Variants in GABRB1 observed in about 807,000 individuals in gnomAD.
The protein encoded by GABRB1 is gamma-aminobutyric acid receptor subunit beta-1.
In GABRB1, 17 loss-of-function variants were observed where a neutral mutation model predicts 51.6. That is an observed-to-expected ratio of 0.33 (90% CI 0.23 to 0.49). GABRB1 has a LOEUF of 0.49. Ranked by LOEUF, GABRB1 falls within the 20% of genes least tolerant of loss-of-function variation. The pLI is 0.99. For synonymous variants in GABRB1, 247 were observed against 218.9 expected, an observed-to-expected ratio of 1.13 and a Z score of -1.14; for missense variants, 410 against 600.6, an observed-to-expected ratio of 0.68 and a Z score of 3.32.
chr4:47,356,918 A>G (rs1239871801), intron 5 of GABRB1, among the ~76,000 whole-genome samples: 1 of 152,172 alleles, frequency 6.6e-6, no homozygotes, highest in Non-Finnish European at 1.5e-5. Context: ...TACAAGACAT[A>G]TGTTTTGTCC....
At chr4:47,287,924 G>A (rs1392644921) in intron 4 of GABRB1, among the ~76,000 whole-genome samples, 2 of 152,168 alleles carry the variant, frequency 1.3e-5, no homozygotes, top group African/African-American at 4.8e-5. Context: ...AAATGAGCTT[G>A]AGTATGACTC....
chr4:47,125,018 A>ATT (rs1418933008), intron 3 of GABRB1, among the ~76,000 whole-genome samples: 5 of 152,200 alleles, frequency 3.3e-5, no homozygotes, highest in African/African-American at 1.2e-4. Flanking sequence ...CCTGAAGAAG[A>ATT]TTATATATAG....
intron 5 of GABRB1, among the ~76,000 whole-genome samples, chr4:47,375,678 C>A (rs1347199787): frequency 1.3e-5 from 2 of 152,212 alleles, no homozygotes; most frequent in Non-Finnish European, 2.9e-5. Flanking sequence ...GATTCAGATC[C>A]TGGCTTTGGT....
In GABRB1 at chr4:47,022,411, T is replaced by G. The variant is rs142866226; in HGVS notation, c.-19-9503T>G. ...AACATTGCTTCATTGTTTCTGGTAC[T>G]AATTTTACTGGCCAAAAGAATGACA... On this transcript the variant is annotated intron_variant, in intron 1 of 3. Transcript: ENST00000513567. Among the ~76,000 whole-genome samples the G allele has an allele frequency of 2.4e-4, 37 of 152,268 alleles. 1 individual carries two copies. The highest frequency in any genetic ancestry group is 8.9e-4 in the African/African-American group (37 of 41,582).
intron 4 of GABRB1, among the ~76,000 whole-genome samples, chr4:47,280,838 T>A (rs1048350830): frequency 1.0e-4 from 15 of 149,174 alleles, no homozygotes; most frequent in East Asian, 3.9e-4. Context: ...TTTTTTTTTT[T>A]AGAAATGAGT....
chr4:47,234,907 C>A (rs1721271872), intron 4 of GABRB1, among the ~76,000 whole-genome samples: 1 of 152,104 alleles, frequency 6.6e-6, no homozygotes. Context: ...TATTTGCTGC[C>A]AAAAATAAGA....
chr4:47,404,489 GCACACACACACACACACACA>G (rs56335154), intron 7 of GABRB1, among the ~76,000 whole-genome samples: 2 of 145,550 alleles, frequency 1.4e-5, no homozygotes, highest in Admixed American at 1.4e-4. Flanking sequence ...ACACACGCAT[GCACACACACACACACACACA>G]CACACACACA....
intron 1 of GABRB1, 44 bp downstream of exon 1, chr4:47,031,775 T>C (rs78252491): frequency 6.4e-7 from 1 of 1,562,798 alleles, no homozygotes; most frequent in Admixed American, 1.7e-5. Context: ...TCTCTCTCTC[T>C]TTTTTTCTTG....
chr4:47,384,264 T>C (rs1727700122), intron 5 of GABRB1, among the ~76,000 whole-genome samples: 3 of 152,096 alleles, frequency 2.0e-5, no homozygotes, highest in Admixed American at 2.0e-4. Context: ...TATTTTTCTC[T>C]TAACAACATA....
intron 1 of GABRB1, among the ~76,000 whole-genome samples, chr4:47,015,188 G>A (rs777542763): frequency 1.3e-5 from 2 of 152,220 alleles, no homozygotes; most frequent in Non-Finnish European, 1.5e-5. Context: ...TTACAGGCGT[G>A]AGCCTCTGTA....
At chr4:47,243,671 T>C (rs1721624214) in intron 4 of GABRB1, among the ~76,000 whole-genome samples, 2 of 152,232 alleles carry the variant, frequency 1.3e-5, no homozygotes, top group South Asian at 2.1e-4. Flanking sequence ...AGTTCACTCA[T>C]GATTTGGCTC....
At chr4:47,351,453 C>T (rs970678286) in intron 5 of GABRB1, among the ~76,000 whole-genome samples, 7 of 152,014 alleles carry the variant, frequency 4.6e-5, no homozygotes, top group East Asian at 3.9e-4. Context: ...TACATGTGCA[C>T]GATGTGCAAG....
chr4:47,420,214 A>G (rs1729051436), intron 8 of GABRB1, among the ~76,000 whole-genome samples: 3 of 152,214 alleles, frequency 2.0e-5, no homozygotes, highest in Admixed American at 2.0e-4. Flanking sequence ...GATCAGAGAC[A>G]GAAAACTCCA....
chr4:47,211,974 C>T (rs953753866), intron 4 of GABRB1, among the ~76,000 whole-genome samples: 1 of 152,148 alleles, frequency 6.6e-6, no homozygotes, highest in Non-Finnish European at 1.5e-5. Flanking sequence ...TTAAACTCAT[C>T]TACAAAGTTC....
chr4:47,014,218 T>G (rs370207914), intron 1 of GABRB1, among the ~76,000 whole-genome samples: 2 of 152,200 alleles, frequency 1.3e-5, no homozygotes, highest in South Asian at 4.1e-4. Context: ...GAATGTCCTA[T>G]TCTGCACTTT....
intron 3 of GABRB1, among the ~76,000 whole-genome samples, chr4:47,157,741 A>T (rs948638669): frequency 1.3e-5 from 2 of 152,098 alleles, no homozygotes; most frequent in African/African-American, 2.4e-5. Flanking sequence ...AATGTTCATT[A>T]TTATCATCAC....
intron 5 of GABRB1, among the ~76,000 whole-genome samples, chr4:47,397,299 A>G (rs749264325): frequency 1.1e-4 from 16 of 152,222 alleles, no homozygotes; most frequent in Non-Finnish European, 1.5e-4. Flanking sequence ...GAGATTTACA[A>G]TAGTTTATGA....
intron 4 of GABRB1, among the ~76,000 whole-genome samples, chr4:47,200,328 G>A (rs189236840): frequency 1.6e-4 from 24 of 152,286 alleles, no homozygotes; most frequent in African/African-American, 5.3e-4. Flanking sequence ...GCTGTGAGTG[G>A]CTGAGGTAGG....
chr4:47,201,865 G>A (rs1279742183), intron 4 of GABRB1, among the ~76,000 whole-genome samples: 1 of 152,046 alleles, frequency 6.6e-6, no homozygotes. Context: ...CAATATTTCA[G>A]ACAAATATAA....
Sources: gnomAD v4.1 joint callset for allele counts (sites outside exome capture counted in the v4.1 genomes callset) on GRCh38, gnomAD v4.1.1 for gene constraint, MANE v1.5 for transcripts, NCBI Gene and HGNC (gene_info 2026-07-23, HGNC 2026-07-21) for gene names.